Variants in ATRNL1 observed in about 807,000 individuals in gnomAD.
ATRNL1 encodes the protein attractin-like protein 1.
ATRNL1 carries 95 observed loss-of-function variants against 182.7 expected under a neutral mutation model. The ratio of observed to expected loss-of-function variants is 0.52; its 90% confidence interval spans 0.44 to 0.62. The LOEUF is 0.62. Among genes scored for constraint, ATRNL1 ranks in the 20% least tolerant of loss-of-function variants. The probability of loss-of-function intolerance (pLI) is 0.00; values close to 1 mark genes in which losing one functional copy is unlikely to be tolerated. For missense variants in ATRNL1, 1,471 were observed against 1,679.5 expected (o/e 0.88, Z 2.17); for synonymous variants, 576 against 568.3 (o/e 1.01, Z -0.19).
At chr10:115,788,315 C>A (rs77478972) in intron 27 of ATRNL1, among the ~76,000 whole-genome samples, 1 of 152,068 alleles carries the variant, frequency 6.6e-6, no homozygotes, top group East Asian at 1.9e-4. Flanking sequence ...TCAGTGATGT[C>A]TTTTATAAAG....
chr10:115,595,471 A>G (rs577621015), intron 26 of ATRNL1, among the ~76,000 whole-genome samples: 2 of 152,258 alleles, frequency 1.3e-5, no homozygotes, highest in African/African-American at 4.8e-5. Context: ...TTGGTAATTT[A>G]TTTTCCATTT....
intron 8 of ATRNL1, among the ~76,000 whole-genome samples, chr10:115,172,343 C>G (rs1203110489): frequency 2.6e-5 from 4 of 151,850 alleles, no homozygotes; most frequent in Non-Finnish European, 5.9e-5. Context: ...ACTTCACCTT[C>G]CTGCACTCAT....
chr10:115,596,329 C>A (rs1856238450), intron 26 of ATRNL1, among the ~76,000 whole-genome samples: 1 of 152,170 alleles, frequency 6.6e-6, no homozygotes, highest in African/African-American at 2.4e-5. Flanking sequence ...TGGTCTTGAG[C>A]TCCCAACCTC....
At chr10:115,221,808 TC>T (rs1458272091) in intron 9 of ATRNL1, among the ~76,000 whole-genome samples, 11 of 152,164 alleles carry the variant, frequency 7.2e-5, no homozygotes, top group Non-Finnish European at 1.5e-4. Context: ...CTTTGAATCA[TC>T]ATAATCTTTT....
chr10:115,279,151 G>A (rs896898298), intron 13 of ATRNL1, among the ~76,000 whole-genome samples: 5 of 150,268 alleles, frequency 3.3e-5, no homozygotes, highest in Admixed American at 6.6e-5. Flanking sequence ...GCAGTGAGCC[G>A]AGATCGCACC....
At chr10:115,524,813 C>T (rs902761627) in intron 25 of ATRNL1, among the ~76,000 whole-genome samples, 1 of 152,102 alleles carries the variant, frequency 6.6e-6, no homozygotes, top group African/African-American at 2.4e-5. Flanking sequence ...TTATGTGCCC[C>T]CACCCCATGA....
chr10:115,156,899 T>C (rs12253590), intron 5 of ATRNL1, among the ~76,000 whole-genome samples: 1,999 of 152,108 alleles, frequency 0.013, 41 homozygotes, highest in African/African-American at 0.046. Context: ...AAGTGGGGGC[T>C]AAAAAAGTTG....
intron 26 of ATRNL1, among the ~76,000 whole-genome samples, chr10:115,627,550 G>A (rs1187469199): frequency 6.6e-6 from 1 of 151,970 alleles, no homozygotes; most frequent in Non-Finnish European, 1.5e-5. Context: ...ATTTTTAATA[G>A]AGACAGGGTT....
rs146125451 is a variant in ATRNL1 at position 115,601,984 on chromosome 10, T to C, written c.3795+52448T>C. ...GAGTACTTTTTGGATTTTTTTTTTT[T>C]TACTATTTTCTTACTAGATCTACTT... On this transcript the variant is annotated intron_variant, in intron 26 of 28. Transcript: ENST00000355044. Among the ~76,000 whole-genome samples, 1,133 of 152,266 alleles carry C rather than the reference T, an allele frequency of 7.4e-3. 3 individuals are homozygous for C. The highest frequency in any genetic ancestry group is 0.017 in the Middle Eastern group (5 of 294).
At chr10:115,869,139 T>TTA (rs1393830466) in intron 28 of ATRNL1, among the ~76,000 whole-genome samples, 1 of 152,166 alleles carries the variant, frequency 6.6e-6, no homozygotes, top group African/African-American at 2.4e-5. Context: ...AAGTCTTTAT[T>TTA]CTTTTAATTG....
chr10:115,189,152 G>GCAAT (rs1404873027), intron 8 of ATRNL1, among the ~76,000 whole-genome samples: 1 of 152,034 alleles, frequency 6.6e-6, no homozygotes, highest in Non-Finnish European at 1.5e-5. Flanking sequence ...ATGTCATAGT[G>GCAAT]CAATGCATTG....
intron 27 of ATRNL1, among the ~76,000 whole-genome samples, chr10:115,730,095 G>A (rs1593136574): frequency 1.3e-5 from 2 of 151,144 alleles, no homozygotes; most frequent in Admixed American, 1.3e-4. Context: ...CATCTCTACT[G>A]AAAATACAAA....
intron 21 of ATRNL1, among the ~76,000 whole-genome samples, chr10:115,427,341 A>G (rs1025595899): frequency 2.0e-5 from 3 of 152,132 alleles, no homozygotes; most frequent in Admixed American, 6.5e-5. Context: ...AATTTTCCAC[A>G]TACTTCATTC....
chr10:115,408,555 A>T (rs1006715759), intron 20 of ATRNL1, among the ~76,000 whole-genome samples: 1 of 152,160 alleles, frequency 6.6e-6, no homozygotes, highest in South Asian at 2.1e-4. Flanking sequence ...TTTGCTGTGC[A>T]GAAGTTTTTT....
intron 5 of ATRNL1, among the ~76,000 whole-genome samples, chr10:115,155,832 TAAG>T (rs1317395299): frequency 6.6e-6 from 1 of 152,134 alleles, no homozygotes; most frequent in African/African-American, 2.4e-5. Flanking sequence ...AGTATGGAAA[TAAG>T]AAGACCAGGT....
intron 21 of ATRNL1, among the ~76,000 whole-genome samples, chr10:115,432,373 T>A (rs1297071292): frequency 1.3e-5 from 2 of 152,102 alleles, no homozygotes; most frequent in Non-Finnish European, 2.9e-5. Context: ...TTTAGAAATA[T>A]CAGAAGCATA....
intron 28 of ATRNL1, among the ~76,000 whole-genome samples, chr10:115,861,192 T>A (rs138185743): frequency 1.4e-3 from 214 of 152,282 alleles, no homozygotes; most frequent in African/African-American, 5.1e-3. Flanking sequence ...AGGTCACCTC[T>A]TTCATGAAAC....
chr10:115,369,619 G>T lies in ATRNL1; in HGVS notation c.3176-25040G>T, dbSNP rs371519196. The stretch of plus-strand genomic sequence containing the variant: ...GTGGGATTTTTGGATCATATGAAAG[G>T]TCCATTTTCAGTTTTCTGAGTAAAC... On this transcript the variant is annotated intron_variant, in intron 19 of 28. Coordinates refer to ENST00000355044, the MANE Select transcript of ATRNL1 (RefSeq NM_207303.4). Among the ~76,000 whole-genome samples the T allele has an allele frequency of 5.3e-5, 8 of 151,994 alleles. No individual in the cohort carries two copies. In the East Asian group the frequency reaches 1.2e-3, roughly 22 times the overall value.
intron 1 of ATRNL1, among the ~76,000 whole-genome samples, chr10:115,112,522 T>G (rs1844302891): frequency 1.3e-5 from 2 of 152,248 alleles, no homozygotes; most frequent in South Asian, 2.1e-4. Flanking sequence ...AAGACATTGG[T>G]TTGAAAAGGG....
Sources: allele counts gnomAD v4.1 joint callset (sites outside exome capture counted in the v4.1 genomes callset), GRCh38; gene constraint gnomAD v4.1.1; transcripts MANE v1.5; gene names NCBI Gene and HGNC (gene_info 2026-07-23, HGNC 2026-07-21).